The following SLC44A3 variants were observed in gnomAD, a reference collection of about 807,000 sequenced individuals.
The protein encoded by SLC44A3 is choline transporter-like protein 3.
In SLC44A3, 74 loss-of-function variants were observed where a neutral mutation model predicts 75.4. The observed-to-expected ratio is 0.98, with a 90% CI of 0.81 to 1.19. SLC44A3 has a LOEUF of 1.19. SLC44A3 is among the 50% of genes most tolerant of loss of function. The pLI is 0.00. For missense variants in SLC44A3, 700 were observed against 778.6 expected, an observed-to-expected ratio of 0.90 and a Z score of 1.20; for synonymous variants, 310 against 296.9, an observed-to-expected ratio of 1.04 and a Z score of -0.45.
At chr1:94,863,964 A>G (rs191600918) in intron 10 of SLC44A3, among the ~76,000 whole-genome samples, 2 of 152,366 alleles carry the variant, frequency 1.3e-5, no homozygotes, top group Admixed American at 1.3e-4. Flanking sequence ...TGCTTCTCAG[A>G]AAGACCTTAT....
chr1:94,827,924 A>G (rs1230308663), intron 4 of SLC44A3, among the ~76,000 whole-genome samples: 1 of 152,126 alleles, frequency 6.6e-6, no homozygotes, highest in African/African-American at 2.4e-5. Flanking sequence ...GAGACAGCCC[A>G]CATTTAAGAC....
intron 10 of SLC44A3, 94 bp from the exon 11 acceptor site, chr1:94,864,649 C>A: frequency 7.7e-7 from 1 of 1,301,366 alleles, no homozygotes; most frequent in Non-Finnish European, 1.0e-6. Context: ...TCACAACTTT[C>A]TAAGTTGTTA....
rs948974930 is a variant in SLC44A3 at position 94,888,321 on chromosome 1, A to T, written c.1483-2809A>T. On this transcript the variant is annotated intron_variant, in intron 12 of 14. Coordinates refer to ENST00000271227, the MANE Select transcript of SLC44A3 (RefSeq NM_001114106.3). Reference sequence around the variant, plus strand: ...AAATAAAACGGTCTCTGTCTCATGGATTCACCAGGGGACCTGGGGGAAATG... The same window carrying T: ...AAATAAAACGGTCTCTGTCTCATGGTTTCACCAGGGGACCTGGGGGAAATG... 3.3e-5 allele frequency among the ~76,000 whole-genome samples: 5 copies of T among 152,246 alleles called. No individual in the cohort carries two copies. In the East Asian group the frequency reaches 9.6e-4, roughly 29 times the overall value.
intron 9 of SLC44A3, among the ~76,000 whole-genome samples, chr1:94,849,215 T>C (rs2101134183): frequency 6.6e-6 from 1 of 152,134 alleles, no homozygotes; most frequent in East Asian, 1.9e-4. Context: ...GATTCACTGT[T>C]AGTGCAAGCA....
intron 3 of SLC44A3, 24 bp downstream of exon 3, chr1:94,824,659 G>T: frequency 6.5e-7 from 1 of 1,544,590 alleles, no homozygotes; most frequent in Non-Finnish European, 8.7e-7. Flanking sequence ...TAAGTCCCCA[G>T]TCTGTAAGGA....
chr1:94,869,892 A>G (rs1016464491), intron 12 of SLC44A3, among the ~76,000 whole-genome samples: 4 of 152,214 alleles, frequency 2.6e-5, no homozygotes. Context: ...ATTTTGTGGA[A>G]TAGGAGCTGG....
chr1:94,824,360 C>T lies in SLC44A3; in HGVS notation c.136-133C>T, dbSNP rs558248622. 27 of 1,034,888 alleles carry T rather than the reference C, an allele frequency of 2.6e-5. No individual in the cohort carries two copies. In the Admixed American group the frequency reaches 2.9e-4, roughly 11 times the overall value. The allele number at this position is 1,034,888 out of a possible 1,614,324, so 64.1% of individuals were successfully genotyped here. A position where few individuals can be genotyped will look rare whatever the true frequency, so the allele number is the denominator to read the frequency against. On this transcript the variant is annotated intron_variant, in intron 2 of 14. Transcript: ENST00000271227. ...TGGGAGTTGCTGACACTGTTACTGACGGAGCAAAGCGCTATGATGCTGGAG... is the reference window on the plus strand; with the variant it reads ...TGGGAGTTGCTGACACTGTTACTGATGGAGCAAAGCGCTATGATGCTGGAG...
At chr1:94,835,382 G>A (rs895259564) in intron 5 of SLC44A3, among the ~76,000 whole-genome samples, 1 of 152,148 alleles carries the variant, frequency 6.6e-6, no homozygotes, top group South Asian at 2.1e-4. Flanking sequence ...AGGATGTTAC[G>A]GTGAAATCCA....
chr1:94,833,317 C>G (rs1054122616), intron 5 of SLC44A3, among the ~76,000 whole-genome samples: 2 of 152,214 alleles, frequency 1.3e-5, no homozygotes, highest in Non-Finnish European at 2.9e-5. Flanking sequence ...CTTCGGGGCT[C>G]TTTCAGCTGC....
chr1:94,894,744 G>C, intron 14 of SLC44A3, 74 bp from the exon 15 acceptor site: 1 of 1,271,340 alleles, frequency 7.9e-7, no homozygotes, highest in Non-Finnish European at 1.1e-6. Context: ...CAAAGGAGAA[G>C]TTTTCCCTCG....
intron 8 of SLC44A3, among the ~76,000 whole-genome samples, chr1:94,844,208 G>A (rs1664087123): frequency 6.6e-6 from 1 of 152,176 alleles, no homozygotes; most frequent in Non-Finnish European, 1.5e-5. Context: ...ACTTACTCTT[G>A]GAAAGTCTAG....
chr1:94,822,129 A>G (rs1191919722), intron 2 of SLC44A3, among the ~76,000 whole-genome samples: 3 of 152,156 alleles, frequency 2.0e-5, no homozygotes, highest in Non-Finnish European at 4.4e-5. Flanking sequence ...TGTGCCTGGC[A>G]GCTTTGACCT....
At chr1:94,841,234 T>C (rs1663596171) in intron 7 of SLC44A3, among the ~76,000 whole-genome samples, 1 of 152,244 alleles carries the variant, frequency 6.6e-6, no homozygotes, top group Non-Finnish European at 1.5e-5. Flanking sequence ...ATTAATCTCA[T>C]GAACCACCAT....
At position 94,886,107 on chromosome 1, in the gene SLC44A3, G is replaced by C. The variant is rs958569002; in HGVS notation, c.1483-5023G>C. On this transcript the variant is annotated intron_variant, in intron 12 of 14. Transcript: ENST00000271227. ...TAGCCCCTGGCTTATGACTGCTGGC[G>C]GGTCGGTGTGCTCAATGGCTGCATG... Among the ~76,000 whole-genome samples, 4 of 152,260 alleles carry C rather than the reference G, an allele frequency of 2.6e-5. No homozygotes were observed. The South Asian group carries it at 8.3e-4, about 32-fold the overall frequency.
intron 12 of SLC44A3, among the ~76,000 whole-genome samples, chr1:94,889,005 C>T (rs1669916265): frequency 6.6e-6 from 1 of 152,048 alleles, no homozygotes; most frequent in African/African-American, 2.4e-5. Flanking sequence ...TGATCTGCCC[C>T]AACCCCTGGC....
intron 4 of SLC44A3, among the ~76,000 whole-genome samples, 174 bp from the exon 5 acceptor site, chr1:94,828,315 AAAGT>A (rs1372601960): frequency 3.9e-5 from 6 of 152,202 alleles, no homozygotes; most frequent in African/African-American, 1.4e-4. Context: ...TTTTGAAGAG[AAAGT>A]AAGGAAGAGA....
At chr1:94,845,609 G>A in intron 9 of SLC44A3, 145 bp downstream of exon 9, 1 of 672,528 alleles carries the variant, frequency 1.5e-6, no homozygotes, top group Non-Finnish European at 2.3e-6. Context: ...TTGGGGCTCT[G>A]TCATGGGGAA....
chr1:94,889,789 C>CAAAG (rs1310828119), intron 12 of SLC44A3, among the ~76,000 whole-genome samples: 5 of 150,952 alleles, frequency 3.3e-5, no homozygotes, highest in African/African-American at 1.2e-4. Context: ...GCTTATTATA[C>CAAAG]AAAGAAAAAA....
At chr1:94,867,184 A>C in intron 11 of SLC44A3, 147 bp from the exon 12 acceptor site, 3 of 489,396 alleles carry the variant, frequency 6.1e-6, no homozygotes, top group Non-Finnish European at 1.1e-5. Context: ...AATTAGTAGT[A>C]GTAGTATGCA....
Sources: gnomAD v4.1 joint callset for allele counts (sites outside exome capture counted in the v4.1 genomes callset) on GRCh38, gnomAD v4.1.1 for gene constraint, MANE v1.5 for transcripts, NCBI Gene and HGNC (gene_info 2026-07-23, HGNC 2026-07-21) for gene names.